Variants in MAN1A1 observed in about 807,000 individuals in gnomAD.
The protein encoded by MAN1A1 is mannosyl-oligosaccharide 1,2-alpha-mannosidase IA.
MAN1A1 carries 29 observed loss-of-function variants against 70.8 expected under a neutral mutation model. That is an observed-to-expected ratio of 0.41 (90% CI 0.31 to 0.56). The LOEUF is 0.56. Ranked by LOEUF, MAN1A1 falls within the 20% of genes least tolerant of loss-of-function variation. MAN1A1 has a pLI of 0.29. For synonymous variants in MAN1A1, 349 were observed against 330.1 expected, an observed-to-expected ratio of 1.06 and a Z score of -0.62; for missense variants, 747 against 841.3, an observed-to-expected ratio of 0.89 and a Z score of 1.39.
At chr6:119,198,997 T>C (rs1019023773) in intron 8 of MAN1A1, among the ~76,000 whole-genome samples, 1 of 152,250 alleles carries the variant, frequency 6.6e-6, no homozygotes, top group Admixed American at 6.5e-5. Context: ...CTGGTCTATC[T>C]TGTACTTTAC....
chr6:119,235,875 C>T (rs1177009095), intron 6 of MAN1A1, among the ~76,000 whole-genome samples: 6 of 152,180 alleles, frequency 3.9e-5, no homozygotes, highest in Admixed American at 6.5e-5. Flanking sequence ...TGATGGCTCA[C>T]GCCTGTAATT....
upstream of MAN1A1, chr6:119,349,827 C>A (rs1032912114): frequency 3.3e-6 from 3 of 896,850 alleles, no homozygotes; most frequent in Admixed American, 1.9e-4. Context: ...AGTGACGGCG[C>A]GGCCGGGCCA....
intron 6 of MAN1A1, among the ~76,000 whole-genome samples, chr6:119,225,858 A>G (rs933519241): frequency 6.6e-6 from 1 of 152,244 alleles, no homozygotes; most frequent in African/African-American, 2.4e-5. Context: ...GATTGGCAAA[A>G]AATGAGATAA....
In MAN1A1 at chr6:119,189,656, G is replaced by A. The variant is rs774083094; in HGVS notation, c.1546+8C>T. ...ATAGACCATAAATGAAGAATAACAT[G>A]TACTCACATGTTCGATTATATGATT... On this transcript the variant is annotated splice_region_variant and intron_variant, in intron 10 of 12. Coordinates refer to ENST00000368468, the MANE Select transcript of MAN1A1 (RefSeq NM_005907.4). 9.2e-5 allele frequency: 148 copies of A among 1,612,602 alleles called. No individual in the cohort carries two copies. Among genetic ancestry groups the A allele is most frequent in the Non-Finnish European group, 1.2e-4 (143 of 1,178,808 alleles).
intron 4 of MAN1A1, among the ~76,000 whole-genome samples, chr6:119,300,841 T>C (rs1430550162): frequency 6.6e-6 from 1 of 152,246 alleles, no homozygotes; most frequent in Non-Finnish European, 1.5e-5. Context: ...CTCATCTGCC[T>C]GTCTTTTAGG....
chr6:119,207,459 G>C (rs1289095794), intron 6 of MAN1A1, among the ~76,000 whole-genome samples: 1 of 152,154 alleles, frequency 6.6e-6, no homozygotes. Context: ...GTCAGGGAAG[G>C]GGTTCAAGAA....
intron 2 of MAN1A1, chr6:119,331,956 A>AG: frequency 2.0e-6 from 1 of 511,298 alleles, no homozygotes; most frequent in Non-Finnish European, 3.9e-6. Flanking sequence ...ACCTCGCAGG[A>AG]GCTGCTCGAC....
intron 6 of MAN1A1, among the ~76,000 whole-genome samples, chr6:119,213,505 TAAAC>T (rs1447296539): frequency 6.6e-6 from 1 of 152,200 alleles, no homozygotes; most frequent in African/African-American, 2.4e-5. Context: ...CAACAGAACA[TAAAC>T]TACTACAACG....
rs900209390 is a variant in MAN1A1, at chr6:119,190,470, C to T, written c.1327-587G>A. Among the ~76,000 whole-genome samples, 4 of 152,310 alleles carry T rather than the reference C, an allele frequency of 2.6e-5. No individual in the cohort carries two copies. In the East Asian group the frequency reaches 7.7e-4, roughly 29 times the overall value. ...TGCTTACTATATCTCTAAATCTCAG[C>T]ATCCTAATCCATAAATGGGAACAAC... On this transcript the variant is annotated intron_variant, in intron 9 of 12. Coordinates refer to ENST00000368468, the MANE Select transcript of MAN1A1 (RefSeq NM_005907.4).
At chr6:119,293,830 A>G (rs530186792) in intron 4 of MAN1A1, among the ~76,000 whole-genome samples, 5 of 152,082 alleles carry the variant, frequency 3.3e-5, no homozygotes, top group African/African-American at 4.8e-5. Flanking sequence ...AGAAATCAGA[A>G]AGACCTGGGA....
At chr6:119,191,037 G>T (rs1773426944) in intron 9 of MAN1A1, among the ~76,000 whole-genome samples, 1 of 152,128 alleles carries the variant, frequency 6.6e-6, no homozygotes, top group Non-Finnish European at 1.5e-5. Flanking sequence ...GAATGAAAAT[G>T]AACACACAGG....
In MAN1A1 at chr6:119,177,388, C is replaced by T. The variant is rs1006600413; in HGVS notation, c.*2431G>A. 1 of 151,848 alleles carries T rather than the reference C, an allele frequency of 6.6e-6. No individual in the cohort carries two copies. Among genetic ancestry groups the T allele is most frequent in the Non-Finnish European group, 1.5e-5 (1 of 67,876 alleles). The allele number at this position is 151,848 out of a possible 1,614,324, so 9.4% of individuals were successfully genotyped here. On this transcript the variant is annotated 3_prime_UTR_variant, in exon 13 of 13. Coordinates refer to ENST00000368468, the MANE Select transcript of MAN1A1 (RefSeq NM_005907.4). ...ACACAATGTGTAGCTCATATGAAAA[C>T]CTCATGACAAGTCATTGAGTTCTGT...
intron 9 of MAN1A1, among the ~76,000 whole-genome samples, chr6:119,190,341 G>A (rs928757359): frequency 1.3e-5 from 2 of 152,136 alleles, no homozygotes; most frequent in Non-Finnish European, 2.9e-5. Context: ...TAGGCTTGGA[G>A]GGATAACAAA....
chr6:119,264,982 C>T (rs530958452), intron 5 of MAN1A1, among the ~76,000 whole-genome samples: 1 of 152,224 alleles, frequency 6.6e-6, no homozygotes, highest in Admixed American at 6.5e-5. Context: ...TTTGGAATAA[C>T]ATAATTGAGA....
At position 119,177,303 on chromosome 6, in the gene MAN1A1, TTATA is replaced by T. The variant is rs1773031682; in HGVS notation, c.*2512_*2515del. On this transcript the variant is annotated 3_prime_UTR_variant, in exon 13 of 13. Transcript: ENST00000368468. ...TATTGTTTCCCATAACATTGGAGAT[TTATA>T]TATAAAGTTGAAAATGACAGAATGG... 2 of 152,100 alleles carry T rather than the reference TTATA, an allele frequency of 1.3e-5. No homozygotes were observed. Among genetic ancestry groups the T allele is most frequent in the South Asian group, 2.1e-4 (1 of 4,830 alleles). The allele number at this position is 152,100 out of a possible 1,614,324, so 9.4% of individuals were successfully genotyped here. A position where few individuals can be genotyped will look rare whatever the true frequency, so the allele number is the denominator to read the frequency against.
intron 6 of MAN1A1, among the ~76,000 whole-genome samples, chr6:119,220,142 ATCTT>A (rs1335432928): frequency 1.3e-5 from 2 of 152,274 alleles, no homozygotes; most frequent in East Asian, 3.9e-4. Flanking sequence ...TACCATAGAA[ATCTT>A]TCTTCTGCCA....
Position 119,349,085 on chromosome 6 carries a change from T to G in MAN1A1, c.-20A>C. 1 of 1,282,806 alleles carries G rather than the reference T, an allele frequency of 7.8e-7. No homozygotes were observed. Among genetic ancestry groups the G allele is most frequent in the Non-Finnish European group, 9.9e-7 (1 of 1,014,532 alleles). 79.5% of individuals were successfully genotyped at this position (1,282,806 alleles called of 1,614,324 possible). On this transcript the variant is annotated 5_prime_UTR_variant, in exon 2 of 13. Transcript: ENST00000368468. ...GGGCATCGCTCCCGCTGTCCAGTGG[T>G]CCGGCGCCGCGCCGCTCAGCAGCCA... is the stretch of plus-strand genomic sequence containing the variant.
intron 7 of MAN1A1, among the ~76,000 whole-genome samples, chr6:119,202,093 G>A (rs77951187): frequency 0.038 from 5,726 of 151,958 alleles, 148 homozygotes; most frequent in Non-Finnish European, 0.056. Flanking sequence ...ATAAATTAAC[G>A]TTAGTTTACT....
At chr6:119,244,405 A>T (rs1441668698) in intron 6 of MAN1A1, among the ~76,000 whole-genome samples, 1 of 152,112 alleles carries the variant, frequency 6.6e-6, no homozygotes. Flanking sequence ...TGAAGGAAAC[A>T]TGTTAGTCTA....
Sources: gnomAD v4.1 joint callset for allele counts (sites outside exome capture counted in the v4.1 genomes callset) on GRCh38, gnomAD v4.1.1 for gene constraint, MANE v1.5 for transcripts, NCBI Gene and HGNC (gene_info 2026-07-23, HGNC 2026-07-21) for gene names.